FHIT: variants seen among roughly 807,000 people sequenced by gnomAD.
FHIT encodes bis(5'-adenosyl)-triphosphatase.
In FHIT, 19 loss-of-function variants were observed where a neutral mutation model predicts 17.9. The ratio of observed to expected loss-of-function variants is 1.06; its 90% CI spans 0.74 to 1.56. FHIT has a LOEUF of 1.56. Ranked by LOEUF, FHIT falls within the 40% of genes most tolerant of loss-of-function variation. The pLI is 0.00. For synonymous variants in FHIT, 81 were observed against 69.7 expected, an observed-to-expected ratio of 1.16 and a Z score of -0.81; for missense variants, 248 against 189.2, an observed-to-expected ratio of 1.31 and a Z score of -1.82.
At chr3:60,860,498 AT>A (rs1465940191) in intron 3 of FHIT, among the ~76,000 whole-genome samples, 1 of 120,582 alleles carries the variant, frequency 8.3e-6, no homozygotes, top group Non-Finnish European at 1.7e-5. Context: ...TATCATATAT[AT>A]CAGGTATATA....
chr3:60,887,845 A>G (rs1235956934), intron 3 of FHIT, among the ~76,000 whole-genome samples: 4 of 152,300 alleles, frequency 2.6e-5, no homozygotes, highest in Admixed American at 6.5e-5. Context: ...TAGCCTGTCT[A>G]TAAGTACTCT....
At chr3:60,476,457 A>G (rs2033348402) in intron 5 of FHIT, among the ~76,000 whole-genome samples, 1 of 152,230 alleles carries the variant, frequency 6.6e-6, no homozygotes, top group Admixed American at 6.5e-5. Flanking sequence ...GACTACTGCA[A>G]TAGGGAGAGC....
intron 5 of FHIT, among the ~76,000 whole-genome samples, chr3:60,475,689 G>A (rs745548478): frequency 6.6e-6 from 1 of 152,148 alleles, no homozygotes; most frequent in Non-Finnish European, 1.5e-5. Context: ...TTTCTTTCAT[G>A]TAAATACAGG....
At chr3:60,554,106 A>G (rs1210415252) in intron 4 of FHIT, among the ~76,000 whole-genome samples, 2 of 152,138 alleles carry the variant, frequency 1.3e-5, no homozygotes, top group African/African-American at 4.8e-5. Context: ...AAAGAAAAAA[A>G]ACGTATCAGG....
intron 3 of FHIT, among the ~76,000 whole-genome samples, chr3:60,823,393 A>G (rs1036598104): frequency 2.0e-5 from 3 of 152,192 alleles, no homozygotes; most frequent in Admixed American, 6.5e-5. Flanking sequence ...TGATACAGAT[A>G]TAATTATTTA....
chr3:60,098,373 A>G (rs1042193512), intron 5 of FHIT, among the ~76,000 whole-genome samples: 1 of 148,528 alleles, frequency 6.7e-6, no homozygotes, highest in African/African-American at 2.5e-5. Context: ...CCTCTCCAGC[A>G]CCTGTTGTTT....
intron 3 of FHIT, among the ~76,000 whole-genome samples, chr3:60,824,593 A>C (rs1454804434): frequency 6.6e-6 from 1 of 152,184 alleles, no homozygotes; most frequent in Admixed American, 6.5e-5. Context: ...AACCTCACTG[A>C]TATGGTTTGG....
chr3:60,398,011 C>T (rs762975485), intron 5 of FHIT, among the ~76,000 whole-genome samples: 42 of 152,194 alleles, frequency 2.8e-4, no homozygotes, highest in African/African-American at 4.3e-4. Context: ...GTAGGGGAAC[C>T]GCTCCCCACA....
At chr3:60,095,487 G>T (rs1366329376) in intron 5 of FHIT, among the ~76,000 whole-genome samples, 2 of 152,254 alleles carry the variant, frequency 1.3e-5, no homozygotes, top group South Asian at 4.1e-4. Context: ...AGCAAACAGT[G>T]AATAAATCCT....
intron 5 of FHIT, among the ~76,000 whole-genome samples, chr3:60,445,126 T>G (rs781488721): frequency 6.6e-6 from 1 of 152,108 alleles, no homozygotes; most frequent in Non-Finnish European, 1.5e-5. Flanking sequence ...AATCAAATAC[T>G]AATGCACGTA....
At chr3:60,843,688 T>C (rs372816594) in intron 3 of FHIT, among the ~76,000 whole-genome samples, 3 of 152,206 alleles carry the variant, frequency 2.0e-5, no homozygotes, top group Non-Finnish European at 2.9e-5. Context: ...CTTGCAAGCA[T>C]AGTAAAAATC....
At chr3:61,120,238 T>C (rs192470706) in intron 2 of FHIT, among the ~76,000 whole-genome samples, 2 of 152,312 alleles carry the variant, frequency 1.3e-5, no homozygotes, top group African/African-American at 4.8e-5. Context: ...ATAAGGATTA[T>C]ATAAGATCAC....
At chr3:60,299,417 T>A (rs1708352985) in intron 5 of FHIT, among the ~76,000 whole-genome samples, 1 of 152,164 alleles carries the variant, frequency 6.6e-6, no homozygotes, top group Admixed American at 6.6e-5. Flanking sequence ...AATAAATGAA[T>A]ATTCTTCCTT....
intron 5 of FHIT, among the ~76,000 whole-genome samples, chr3:60,276,153 A>G (rs917443548): frequency 3.3e-5 from 5 of 151,930 alleles, no homozygotes; most frequent in African/African-American, 1.2e-4. Context: ...AGGCTGGCTA[A>G]TTTTTTGTGT....
In FHIT at chr3:60,197,381, T is replaced by C. The variant is rs922791392; in HGVS notation, c.104-183229A>G. ...ATAGGATACAGTGGGTTAAATAAAA[T>C]GTAAAATTAATTTCTCCTGCTTCTG... On this transcript the variant is annotated intron_variant, in intron 5 of 9. Coordinates refer to ENST00000492590, the MANE Select transcript of FHIT (RefSeq NM_002012.4). Among the ~76,000 whole-genome samples, 3 of 152,196 alleles carry C rather than the reference T, an allele frequency of 2.0e-5. No homozygotes were observed. In the East Asian group the frequency reaches 5.8e-4, roughly 29 times the overall value.
intron 5 of FHIT, among the ~76,000 whole-genome samples, chr3:60,204,506 G>C (rs1019080698): frequency 2.0e-5 from 3 of 151,074 alleles, no homozygotes; most frequent in Non-Finnish European, 4.4e-5. Context: ...GCCCGGACTG[G>C]TCTTGAACTC....
At chr3:61,206,732 G>A (rs1031011306) in intron 1 of FHIT, among the ~76,000 whole-genome samples, 6 of 151,818 alleles carry the variant, frequency 4.0e-5, no homozygotes, top group African/African-American at 1.5e-4. Flanking sequence ...AGACGATGGG[G>A]TTTTCTAGAT....
intron 2 of FHIT, among the ~76,000 whole-genome samples, chr3:61,071,206 C>T (rs1442872156): frequency 6.6e-6 from 1 of 152,038 alleles, no homozygotes; most frequent in Non-Finnish European, 1.5e-5. Flanking sequence ...TACATAACTT[C>T]CATATCTACT....
intron 2 of FHIT, among the ~76,000 whole-genome samples, chr3:61,088,869 G>C (rs1006555424): frequency 3.3e-5 from 5 of 152,076 alleles, no homozygotes; most frequent in African/African-American, 1.2e-4. Context: ...GTATGGCTGC[G>C]CTGGAAAAAA....
Sources: gnomAD v4.1 joint callset for allele counts (sites outside exome capture counted in the v4.1 genomes callset) on GRCh38, gnomAD v4.1.1 for gene constraint, MANE v1.5 for transcripts, NCBI Gene and HGNC (gene_info 2026-07-23, HGNC 2026-07-21) for gene names.